Variants in IFT52 observed in about 807,000 individuals in gnomAD.
The protein encoded by IFT52 is intraflagellar transport 52.
In IFT52, 44 loss-of-function variants were observed where a neutral mutation model predicts 54.4. The observed-to-expected ratio is 0.81, with a 90% confidence interval of 0.63 to 1.04. The LOEUF is 1.04. Ranked by LOEUF, IFT52 falls within the 50% of genes least tolerant of loss-of-function variation. The pLI is 0.00. For missense variants in IFT52, 452 were observed against 523.6 expected (o/e 0.86, Z 1.33); for synonymous variants, 181 against 185.3 (o/e 0.98, Z 0.19).
At chr20:43,631,486 T>C (rs1038614498) in intron 10 of IFT52, among the ~76,000 whole-genome samples, 1 of 152,214 alleles carries the variant, frequency 6.6e-6, no homozygotes, top group Admixed American at 6.5e-5. Context: ...TGTCCACTCA[T>C]TGGCATTTGG....
chr20:43,607,185 T>C (rs1183624846), intron 6 of IFT52, among the ~76,000 whole-genome samples: 14 of 137,440 alleles, frequency 1.0e-4, no homozygotes, highest in African/African-American at 3.6e-4. Context: ...CCTCACCTCC[T>C]GGATGGGGCG....
chr20:43,596,599 C>G (rs1361548953), intron 3 of IFT52, 77 bp downstream of exon 3: 1 of 929,540 alleles, frequency 1.1e-6, no homozygotes, highest in South Asian at 1.4e-5. Context: ...ATTTGAATCC[C>G]CCTTCACCAC....
At chr20:43,596,736 CTTTTTTTTTT>C (rs59960911) in intron 3 of IFT52, among the ~76,000 whole-genome samples, 3 of 75,910 alleles carry the variant, frequency 4.0e-5, no homozygotes, top group African/African-American at 1.5e-4. Flanking sequence ...AGCCACACTT[CTTTTTTTTTT>C]TTTTTTTTTT....
At chr20:43,618,826 C>G (rs1011804261) in intron 7 of IFT52, 114 bp from the exon 8 acceptor site, 3 of 675,874 alleles carry the variant, frequency 4.4e-6, no homozygotes, top group Admixed American at 2.8e-5. Flanking sequence ...TGTGAATTGG[C>G]ACTCTTCAGT....
chr20:43,604,960 A>T lies in IFT52; in HGVS notation c.414-42A>T, dbSNP rs754245366. On this transcript the variant is annotated intron_variant, in intron 5 of 13. Coordinates refer to ENST00000373030, the MANE Select transcript of IFT52 (RefSeq NM_016004.5). ...CTAATGAATGCAGTGTGAAATTCTC[A>T]AATTTTTTTTGTTTACTAGATTTTA... 5 of 1,603,738 alleles carry T rather than the reference A, an allele frequency of 3.1e-6. No homozygotes were observed. The African/African-American group carries it at 6.7e-5, about 21-fold the overall frequency.
At chr20:43,617,335 C>T (rs1197013099) in intron 7 of IFT52, among the ~76,000 whole-genome samples, 1 of 152,032 alleles carries the variant, frequency 6.6e-6, no homozygotes, top group African/African-American at 2.4e-5. Flanking sequence ...ATTTATTTAT[C>T]TGATAGGAAA....
At chr20:43,636,180 A>G (rs989628421) in intron 11 of IFT52, among the ~76,000 whole-genome samples, 167 bp downstream of exon 11, 2 of 152,196 alleles carry the variant, frequency 1.3e-5, no homozygotes, top group Admixed American at 6.5e-5. Context: ...TTAATGTTCT[A>G]TAGAGACTTC....
intron 1 of IFT52, among the ~76,000 whole-genome samples, chr20:43,594,400 CAA>C (rs1981766849): frequency 2.0e-5 from 3 of 152,066 alleles, no homozygotes; most frequent in South Asian, 2.1e-4. Flanking sequence ...TCTTGGGACA[CAA>C]GAGCAGGGTG....
chr20:43,632,339 C>T (rs920150994), intron 10 of IFT52, among the ~76,000 whole-genome samples: 1 of 151,594 alleles, frequency 6.6e-6, no homozygotes, highest in African/African-American at 2.4e-5. Flanking sequence ...CGGTTCACTG[C>T]AACCTCCGCC....
chr20:43,596,398 A>G, intron 2 of IFT52, 37 bp from the exon 3 acceptor site: 2 of 1,334,256 alleles, frequency 1.5e-6, no homozygotes, highest in Non-Finnish European at 2.1e-6. Flanking sequence ...GGTTTAAATT[A>G]TGGACTTCAT....
intron 7 of IFT52, among the ~76,000 whole-genome samples, chr20:43,617,719 C>T (rs1270946279): frequency 1.3e-5 from 2 of 152,178 alleles, no homozygotes; most frequent in African/African-American, 4.8e-5. Flanking sequence ...GCTGGGATTA[C>T]AGGCATGAGC....
chr20:43,635,004 C>T (rs1600510809), intron 10 of IFT52, among the ~76,000 whole-genome samples: 1 of 151,942 alleles, frequency 6.6e-6, no homozygotes, highest in Non-Finnish European at 1.5e-5. Flanking sequence ...CCCATCTCTA[C>T]TAAAAATACA....
chr20:43,603,574 A>G (rs935770738), intron 3 of IFT52, among the ~76,000 whole-genome samples, 186 bp from the exon 4 acceptor site: 2 of 152,160 alleles, frequency 1.3e-5, no homozygotes, highest in Admixed American at 1.3e-4. Context: ...AGTATTTTGG[A>G]GCTTTATGCT....
intron 13 of IFT52, among the ~76,000 whole-genome samples, 182 bp downstream of exon 13, chr20:43,642,806 G>A (rs527990081): frequency 1.3e-5 from 2 of 152,202 alleles, no homozygotes; most frequent in Non-Finnish European, 2.9e-5. Context: ...GCTGGAGGAT[G>A]TAGACAATAA....
chr20:43,594,428 C>A (rs1981769445), intron 1 of IFT52, among the ~76,000 whole-genome samples: 1 of 152,106 alleles, frequency 6.6e-6, no homozygotes, highest in African/African-American at 2.4e-5. Context: ...AGGGCAGAGC[C>A]ATAGGTGTAG....
At position 43,644,086 on chromosome 20, in the gene IFT52, G is replaced by A. The variant is rs1186327650; in HGVS notation, c.1266+1462G>A. Among the ~76,000 whole-genome samples, 2 of 55,460 alleles carry A rather than the reference G, an allele frequency of 3.6e-5. 1 individual carries two copies. The highest frequency in any genetic ancestry group is 8.5e-5 in the Non-Finnish European group (2 of 23,470). The allele number at this position is 55,460 out of a possible 152,430, so 36.4% of individuals were successfully genotyped here. A position where few individuals can be genotyped will look rare whatever the true frequency, so the allele number is the denominator to read the frequency against. ...ACCACTGCAGTCCATCCAGCCTGGC[G>A]ACAGAGCAAGACTCTGTCTCAAAAA... On this transcript the variant is annotated intron_variant, in intron 13 of 13. Transcript: ENST00000373030.
At chr20:43,636,369 G>C (rs1985540115) in intron 11 of IFT52, among the ~76,000 whole-genome samples, 1 of 152,176 alleles carries the variant, frequency 6.6e-6, no homozygotes, top group Admixed American at 6.5e-5. Context: ...AATTCTCACA[G>C]CCCAGGGGAT....
intron 7 of IFT52, among the ~76,000 whole-genome samples, chr20:43,616,844 G>C (rs1983896883): frequency 6.6e-6 from 1 of 152,004 alleles, no homozygotes; most frequent in Non-Finnish European, 1.5e-5. Flanking sequence ...AACATAGTAA[G>C]ACCTGTCTCT....
rs1986262942 is a variant in IFT52, at chr20:43,647,131, A to G, written c.*148A>G. On this transcript the variant is annotated 3_prime_UTR_variant, in exon 14 of 14. Transcript: ENST00000373030. ...TATATGCATCTTCTGTAATACTCAGATAGGTATAAGATTTTTCACAAAATC... is the reference window on the plus strand; with the variant it reads ...TATATGCATCTTCTGTAATACTCAGGTAGGTATAAGATTTTTCACAAAATC... 1.5e-6 allele frequency: 1 copy of G among 685,514 alleles called. No individual in the cohort carries two copies. Among genetic ancestry groups the G allele is most frequent in the South Asian group, 1.8e-5 (1 of 55,936 alleles). The allele number at this position is 685,514 out of a possible 1,614,324, so 42.5% of individuals were successfully genotyped here. A position where few individuals can be genotyped will look rare whatever the true frequency, so the allele number is the denominator to read the frequency against.
Sources: allele counts gnomAD v4.1 joint callset (sites outside exome capture counted in the v4.1 genomes callset), GRCh38; gene constraint gnomAD v4.1.1; transcripts MANE v1.5; gene names NCBI Gene and HGNC (gene_info 2026-07-23, HGNC 2026-07-21).